Variants in AGBL1 observed in about 807,000 individuals in gnomAD.
The protein encoded by AGBL1 is AGBL carboxypeptidase 1.
AGBL1 carries 130 observed loss-of-function variants against 118.9 expected under a neutral mutation model. The ratio of observed to expected loss-of-function variants is 1.09; its 90% CI spans 0.95 to 1.26. The LOEUF (loss-of-function observed/expected upper bound fraction) is 1.26. AGBL1 is among the 50% of genes most tolerant of loss of function. The pLI is 0.00. For missense variants in AGBL1, 1,584 were observed against 1,298.1 expected (o/e 1.22, Z -3.38); for synonymous variants, 555 against 478.9 (o/e 1.16, Z -2.08).
chr15:86,435,131 A>C (rs1835625), intron 18 of AGBL1, among the ~76,000 whole-genome samples: 19,301 of 152,272 alleles, frequency 0.13, 1,306 homozygotes, highest in Admixed American at 0.17. Flanking sequence ...AGGACTAGAA[A>C]GGGAAGGAAA....
At position 86,402,187 on chromosome 15, in the gene AGBL1, G is replaced by GTTATTTATTTATTTAT. The variant is rs58824729; in HGVS notation, c.2555+4656_2555+4671dup. On this transcript the variant is annotated intron_variant, in intron 18 of 22. Transcript: ENST00000614907. ...CCTCCTTGGTTAAGTGTATTTCTAG[G>GTTATTTATTTATTTAT]TTATTTATTTATTTATTTATTTATT... Among the ~76,000 whole-genome samples, 424 of 151,340 alleles carry GTTATTTATTTATTTAT rather than the reference G, an allele frequency of 2.8e-3. 2 individuals carry two copies. Among genetic ancestry groups the GTTATTTATTTATTTAT allele is most frequent in the African/African-American group, 9.8e-3 (403 of 41,118 alleles).
chr15:86,664,044 T>C (rs2085595706), intron 21 of AGBL1, among the ~76,000 whole-genome samples: 1 of 152,144 alleles, frequency 6.6e-6, no homozygotes, highest in Non-Finnish European at 1.5e-5. Flanking sequence ...AGGTCCAGCA[T>C]AGAAATGAAG....
intron 21 of AGBL1, among the ~76,000 whole-genome samples, chr15:86,618,490 C>T (rs1003362350): frequency 6.6e-6 from 1 of 152,198 alleles, no homozygotes; most frequent in African/African-American, 2.4e-5. Flanking sequence ...ATATAGATCT[C>T]TGGGCTCTAG....
chr15:86,670,941 C>T (rs1216258243), intron 21 of AGBL1, among the ~76,000 whole-genome samples: 2 of 151,994 alleles, frequency 1.3e-5, no homozygotes, highest in Non-Finnish European at 2.9e-5. Context: ...TACTGGTTAG[C>T]TTTGCTTACT....
At position 86,588,555 on chromosome 15, in the gene AGBL1, T is replaced by C. The variant is rs143316394; in HGVS notation, c.2994+34018T>C. ...ATTTTTCATAAGGCTGAAGCTCATA[T>C]GCAGATAGAACTCATTTGCCTGAAG... On this transcript the variant is annotated intron_variant, in intron 21 of 22. Transcript: ENST00000614907. Among the ~76,000 whole-genome samples, 47 of 152,326 alleles carry C rather than the reference T, an allele frequency of 3.1e-4. No individual in the cohort carries two copies. The East Asian group carries it at 9.1e-3, about 29-fold the overall frequency.
intron 22 of AGBL1, among the ~76,000 whole-genome samples, chr15:86,730,381 C>A (rs1164401499): frequency 6.6e-6 from 1 of 152,150 alleles, no homozygotes; most frequent in African/African-American, 2.4e-5. Flanking sequence ...TATCCAGAAT[C>A]TATAAGAAAC....
intron 20 of AGBL1, among the ~76,000 whole-genome samples, chr15:86,553,866 CT>C (rs10708716): frequency 0.44 from 65,583 of 148,836 alleles, 15,184 homozygotes; most frequent in East Asian, 0.75. Flanking sequence ...TTATTTCTAA[CT>C]TTTTTTTTTT....
intron 24 of AGBL1, among the ~76,000 whole-genome samples, chr15:86,997,049 G>A (rs1223342978): frequency 2.0e-5 from 3 of 150,636 alleles, no homozygotes; most frequent in Non-Finnish European, 4.4e-5. Context: ...AAAAAAAAGA[G>A]ACATGAATAG....
chr15:86,405,804 G>A (rs1213216768), intron 18 of AGBL1, among the ~76,000 whole-genome samples: 2 of 152,038 alleles, frequency 1.3e-5, no homozygotes, highest in Non-Finnish European at 2.9e-5. Context: ...TCGCGCAAGT[G>A]GTAGAAGTCT....
chr15:86,138,960 C>T (rs2076924819), intron 1 of AGBL1, among the ~76,000 whole-genome samples: 1 of 152,114 alleles, frequency 6.6e-6, no homozygotes, highest in Admixed American at 6.5e-5. Context: ...CTGAACATTC[C>T]CCCAAATAAT....
intron 23 of AGBL1, among the ~76,000 whole-genome samples, chr15:86,930,976 C>T (rs746889022): frequency 6.6e-6 from 1 of 152,102 alleles, no homozygotes; most frequent in Non-Finnish European, 1.5e-5. Flanking sequence ...ACCCAGACCC[C>T]CACCAAACAG....
At chr15:86,623,854 C>T (rs1398887933) in intron 21 of AGBL1, among the ~76,000 whole-genome samples, 1 of 152,190 alleles carries the variant, frequency 6.6e-6, no homozygotes, top group Non-Finnish European at 1.5e-5. Flanking sequence ...TGTCTATTCA[C>T]CTGAAATTAA....
chr15:86,464,647 G>A (rs960841875), intron 18 of AGBL1, among the ~76,000 whole-genome samples: 4 of 152,188 alleles, frequency 2.6e-5, no homozygotes, highest in African/African-American at 9.7e-5. Flanking sequence ...TTTTTAGCAT[G>A]AAGGGGTGTT....
At chr15:86,269,771 A>G (rs1597657004) in intron 13 of AGBL1, 148 bp from the exon 14 acceptor site, 1 of 875,202 alleles carries the variant, frequency 1.1e-6, no homozygotes, top group East Asian at 2.8e-5. Context: ...ATATTGTGGT[A>G]TCAGGATGAT....
At chr15:86,168,560 T>C (rs1364163211) in intron 5 of AGBL1, among the ~76,000 whole-genome samples, 1 of 152,178 alleles carries the variant, frequency 6.6e-6, no homozygotes, top group African/African-American at 2.4e-5. Context: ...TATTATAACC[T>C]GAAAAAGCTC....
chr15:86,428,519 G>A (rs2081894768), intron 18 of AGBL1, among the ~76,000 whole-genome samples: 1 of 152,102 alleles, frequency 6.6e-6, no homozygotes, highest in Non-Finnish European at 1.5e-5. Context: ...TTGTCTATTG[G>A]ACAAATCCAG....
intron 1 of AGBL1, among the ~76,000 whole-genome samples, chr15:86,134,604 CTTTTTTTT>C (rs141645590): frequency 3.8e-4 from 32 of 84,630 alleles, no homozygotes; most frequent in African/African-American, 1.1e-3. Context: ...TCAATGGTGC[CTTTTTTTT>C]TTTTTTTTTT....
At chr15:86,801,310 C>CATCTGTCTGTCT (rs1555451584) in intron 22 of AGBL1, among the ~76,000 whole-genome samples, 3 of 147,194 alleles carry the variant, frequency 2.0e-5, no homozygotes, top group African/African-American at 7.5e-5. Flanking sequence ...TTGATGATTA[C>CATCTGTCTGTCT]ATCTATCTAT....
intron 18 of AGBL1, among the ~76,000 whole-genome samples, chr15:86,475,704 A>C (rs867355914): frequency 6.6e-6 from 1 of 152,302 alleles, no homozygotes; most frequent in Non-Finnish European, 1.5e-5. Flanking sequence ...CCAACATTCA[A>C]ATTCAGGAAA....
Sources: gnomAD v4.1 joint callset for allele counts (sites outside exome capture counted in the v4.1 genomes callset) on GRCh38, gnomAD v4.1.1 for gene constraint, MANE v1.5 for transcripts, NCBI Gene and HGNC (gene_info 2026-07-23, HGNC 2026-07-21) for gene names.